Variants in SOX5 observed in about 807,000 individuals in gnomAD.
SOX5 encodes transcription factor SOX-5.
Under a neutral mutation model 92.0 loss-of-function variants are expected in SOX5, and 9 were observed. That is an observed-to-expected ratio of 0.10 (90% CI 0.06 to 0.17). The LOEUF (loss-of-function observed/expected upper bound fraction) is 0.17, where lower values mean the gene tolerates loss of function less well. SOX5 is among the 10% of genes least tolerant of loss of function. SOX5 has a pLI of 1.00. For missense variants in SOX5, 642 were observed against 944.5 expected (o/e 0.68, Z 4.20); for synonymous variants, 344 against 336.3 (o/e 1.02, Z -0.25).
intron 1 of SOX5, among the ~76,000 whole-genome samples, chr12:24,370,476 CA>C (rs57192965): frequency 0.02 from 1,564 of 79,714 alleles, 47 homozygotes; most frequent in African/African-American, 0.068. Flanking sequence ...GACTCCGTCT[CA>C]AAAAAAAAAA....
intron 4 of SOX5, among the ~76,000 whole-genome samples, chr12:24,091,804 T>C (rs923582920): frequency 3.3e-5 from 5 of 152,134 alleles, no homozygotes; most frequent in Admixed American, 6.6e-5. Context: ...TGGGGTCATC[T>C]AGCCATTTCT....
At chr12:23,965,177 C>A (rs371244096) in intron 4 of SOX5, among the ~76,000 whole-genome samples, 1 of 152,190 alleles carries the variant, frequency 6.6e-6, no homozygotes, top group Non-Finnish European at 1.5e-5. Context: ...GGTGTCCCTG[C>A]CTGCCAACTG....
intron 3 of SOX5, among the ~76,000 whole-genome samples, chr12:23,837,227 AAT>A (rs1245849913): frequency 8.2e-6 from 1 of 121,414 alleles, no homozygotes; most frequent in African/African-American, 2.9e-5. Context: ...TATGATATAT[AAT>A]ATATATTTAT....
upstream of SOX5, chr12:23,950,856 G>C: frequency 6.5e-7 from 1 of 1,534,946 alleles, no homozygotes; most frequent in Non-Finnish European, 8.7e-7. Context: ...CACACAGAGA[G>C]AGAGACACTT....
chr12:23,889,932 A>G (rs898660322), intron 2 of SOX5, among the ~76,000 whole-genome samples: 10 of 152,238 alleles, frequency 6.6e-5, no homozygotes, highest in Admixed American at 1.3e-4. Context: ...CAAATCCAAT[A>G]GATCTTTATA....
chr12:24,137,645 A>AAAAAC (rs1950227042), intron 4 of SOX5, among the ~76,000 whole-genome samples: 1 of 151,982 alleles, frequency 6.6e-6, no homozygotes, highest in South Asian at 2.1e-4. Context: ...AAACAAAAAC[A>AAAAAC]AAAACAAAAA....
intron 6 of SOX5, among the ~76,000 whole-genome samples, chr12:23,701,899 A>G (rs2090685226): frequency 6.6e-6 from 1 of 152,084 alleles, no homozygotes; most frequent in South Asian, 2.1e-4. Context: ...ACCTCCAAAG[A>G]TATACCAAAT....
intron 2 of SOX5, among the ~76,000 whole-genome samples, chr12:23,850,600 C>A (rs2096622941): frequency 6.6e-6 from 1 of 151,784 alleles, no homozygotes; most frequent in African/African-American, 2.4e-5. Context: ...AATGTTGAAA[C>A]TAAATTTCAC....
chr12:23,844,145 C>A (rs964709653), intron 3 of SOX5, among the ~76,000 whole-genome samples: 1 of 152,212 alleles, frequency 6.6e-6, no homozygotes, highest in Non-Finnish European at 1.5e-5. Context: ...TCTGGCAACA[C>A]AACGTACTGT....
At chr12:23,583,654 G>A (rs563373375) in intron 9 of SOX5, among the ~76,000 whole-genome samples, 1 of 152,200 alleles carries the variant, frequency 6.6e-6, no homozygotes, top group Non-Finnish European at 1.5e-5. Flanking sequence ...GAGGCTAAAA[G>A]GAAGCATAGA....
intron 4 of SOX5, among the ~76,000 whole-genome samples, chr12:24,133,072 A>G (rs1194479181): frequency 1.3e-5 from 2 of 152,208 alleles, no homozygotes; most frequent in Admixed American, 1.3e-4. Context: ...TATTTCCAAC[A>G]CTGCAGTAAA....
chr12:24,433,848 C>A (rs539718249), intron 1 of SOX5, among the ~76,000 whole-genome samples: 1 of 152,188 alleles, frequency 6.6e-6, no homozygotes, highest in South Asian at 2.1e-4. Flanking sequence ...TGCGGATGAG[C>A]AGGGACAGGT....
intron 1 of SOX5, among the ~76,000 whole-genome samples, chr12:23,905,794 T>A (rs1388549585): frequency 6.6e-6 from 1 of 152,124 alleles, no homozygotes; most frequent in Non-Finnish European, 1.5e-5. Context: ...TTGAAAAAAA[T>A]TATCAATACT....
At chr12:23,540,402 T>TAATAATAAA (rs1336779007) in intron 13 of SOX5, among the ~76,000 whole-genome samples, 8 of 139,792 alleles carry the variant, frequency 5.7e-5, no homozygotes, top group Middle Eastern at 3.6e-3. Flanking sequence ...ATAATAATAA[T>TAATAATAAA]AAAAAGCAGA....
chr12:24,104,438 A>T (rs1946439735), intron 4 of SOX5, among the ~76,000 whole-genome samples: 1 of 152,228 alleles, frequency 6.6e-6, no homozygotes, highest in Non-Finnish European at 1.5e-5. Flanking sequence ...AAGATACCAT[A>T]TCAATCTGAC....
chr12:23,896,129 A>G, intron 1 of SOX5, 105 bp from the exon 2 acceptor site: 1 of 752,580 alleles, frequency 1.3e-6, no homozygotes, highest in Middle Eastern at 3.9e-4. Flanking sequence ...TTTTTGTGCT[A>G]GCAGAGAGCA....
At chr12:24,321,679 T>C (rs370386646) in intron 2 of SOX5, among the ~76,000 whole-genome samples, 2 of 152,282 alleles carry the variant, frequency 1.3e-5, no homozygotes. Flanking sequence ...CAAGAAAAAT[T>C]GCAATATACA....
chr12:23,842,664 A>G (rs182443158), intron 3 of SOX5, among the ~76,000 whole-genome samples: 352 of 152,334 alleles, frequency 2.3e-3, no homozygotes, highest in Admixed American at 5.9e-3. Context: ...GAAGTGCTAA[A>G]CTAATAATAA....
chr12:23,955,936 C>T (rs1946234017), upstream of SOX5, among the ~76,000 whole-genome samples: 1 of 152,146 alleles, frequency 6.6e-6, no homozygotes, highest in African/African-American at 2.4e-5. Context: ...CATTATCTTG[C>T]TACAATGTAG....
Sources: gnomAD v4.1 joint callset for allele counts (sites outside exome capture counted in the v4.1 genomes callset) on GRCh38, gnomAD v4.1.1 for gene constraint, MANE v1.5 for transcripts, NCBI Gene and HGNC (gene_info 2026-07-23, HGNC 2026-07-21) for gene names.